The following ARHGEF26 variants were observed in gnomAD, a reference collection of about 807,000 sequenced individuals.
The protein encoded by ARHGEF26 is Rho guanine nucleotide exchange factor (GEF) 26.
A neutral mutation model predicts 89.4 loss-of-function variants in ARHGEF26; 59 were observed. That is an observed-to-expected ratio of 0.66 (90% CI 0.54 to 0.82). The LOEUF is 0.82. Ranked by LOEUF, ARHGEF26 falls within the 40% of genes least tolerant of loss-of-function variation. The pLI, the probability that ARHGEF26 is intolerant of heterozygous loss-of-function variation, is 0.00. For synonymous variants in ARHGEF26, 500 were observed against 428.4 expected, an observed-to-expected ratio of 1.17 and a Z score of -2.06; for missense variants, 1,234 against 1,085.6, an observed-to-expected ratio of 1.14 and a Z score of -1.92.
intron 11 of ARHGEF26, among the ~76,000 whole-genome samples, chr3:154,227,292 A>T (rs1263341919): frequency 9.0e-6 from 1 of 111,718 alleles, no homozygotes; most frequent in Non-Finnish European, 1.9e-5. Context: ...CTAAGTAAAA[A>T]TTTTTTTTTT....
chr3:154,199,569 G>A (rs957783998), intron 9 of ARHGEF26, among the ~76,000 whole-genome samples: 1 of 151,946 alleles, frequency 6.6e-6, no homozygotes, highest in Non-Finnish European at 1.5e-5. Context: ...CCTTTATTTT[G>A]GGTATATACC....
chr3:154,186,482 C>T (rs1021780120), intron 6 of ARHGEF26, among the ~76,000 whole-genome samples: 35 of 151,942 alleles, frequency 2.3e-4, no homozygotes, highest in African/African-American at 7.3e-4. Context: ...TAACCCTGGC[C>T]GGGTGCAGTG....
chr3:154,141,247 G>C (rs1719362483), intron 4 of ARHGEF26, among the ~76,000 whole-genome samples: 2 of 152,150 alleles, frequency 1.3e-5, no homozygotes, highest in South Asian at 4.1e-4. Flanking sequence ...TTATAGGTGA[G>C]AGCCACCGTG....
chr3:154,152,961 G>A (rs763576601), intron 6 of ARHGEF26, 29 bp downstream of exon 6: 21 of 1,488,488 alleles, frequency 1.4e-5, no homozygotes, highest in East Asian at 9.9e-5. Context: ...GCCTTTGGTC[G>A]TGCCAAGAAG....
intron 9 of ARHGEF26, among the ~76,000 whole-genome samples, chr3:154,202,614 T>G (rs181941302): frequency 6.6e-6 from 1 of 152,198 alleles, no homozygotes; most frequent in African/African-American, 2.4e-5. Flanking sequence ...TTTCAAGATA[T>G]TGATTCTTCC....
intron 9 of ARHGEF26, among the ~76,000 whole-genome samples, chr3:154,208,901 G>T (rs542994785): frequency 6.6e-6 from 1 of 151,954 alleles, no homozygotes; most frequent in Admixed American, 6.6e-5. Flanking sequence ...AGGTAGCTGG[G>T]ATTACAGGCA....
chr3:154,149,291 T>C, intron 4 of ARHGEF26, 98 bp from the exon 5 acceptor site: 1 of 776,292 alleles, frequency 1.3e-6, no homozygotes, highest in South Asian at 2.5e-5. Flanking sequence ...TTTCTCCTAA[T>C]TCATTTTTGA....
intron 3 of ARHGEF26, 40 bp from the exon 4 acceptor site, chr3:154,129,534 T>G: frequency 1.3e-6 from 2 of 1,592,460 alleles, no homozygotes; most frequent in Non-Finnish European, 1.7e-6. Flanking sequence ...ACATAATGAT[T>G]GAGAACAATT....
At chr3:154,138,622 A>C (rs1052502017) in intron 4 of ARHGEF26, among the ~76,000 whole-genome samples, 1 of 152,220 alleles carries the variant, frequency 6.6e-6, no homozygotes, top group Non-Finnish European at 1.5e-5. Context: ...AGGTGCTCCA[A>C]GAAAGCAGGA....
At chr3:154,224,910 G>A (rs2108259555) in intron 10 of ARHGEF26, among the ~76,000 whole-genome samples, 1 of 151,886 alleles carries the variant, frequency 6.6e-6, no homozygotes, top group African/African-American at 2.4e-5. Context: ...ATTTCCTTTA[G>A]CTATTTTTAA....
intron 6 of ARHGEF26, among the ~76,000 whole-genome samples, chr3:154,177,312 A>G (rs1242863931): frequency 6.6e-6 from 1 of 152,218 alleles, no homozygotes; most frequent in Non-Finnish European, 1.5e-5. Flanking sequence ...GTTCACATGC[A>G]TTGGACCTCT....
chr3:154,186,608 A>G (rs912014860), intron 6 of ARHGEF26, among the ~76,000 whole-genome samples: 1 of 151,862 alleles, frequency 6.6e-6, no homozygotes. Context: ...TAAAAAACAT[A>G]AAAATTAGCC....
At chr3:154,250,839 T>C (rs1358807882) in intron 12 of ARHGEF26, among the ~76,000 whole-genome samples, 1 of 152,166 alleles carries the variant, frequency 6.6e-6, no homozygotes, top group Non-Finnish European at 1.5e-5. Flanking sequence ...GTGTAAAAAA[T>C]AGATCTTATT....
At chr3:154,250,732 A>C (rs1157863122) in intron 12 of ARHGEF26, among the ~76,000 whole-genome samples, 1 of 152,210 alleles carries the variant, frequency 6.6e-6, no homozygotes, top group Non-Finnish European at 1.5e-5. Flanking sequence ...AGAGACACAA[A>C]TGGATCATTT....
chr3:154,168,393 A>G (rs1712189652), intron 6 of ARHGEF26, among the ~76,000 whole-genome samples: 1 of 152,172 alleles, frequency 6.6e-6, no homozygotes. Flanking sequence ...CCTGGGCAAC[A>G]TGGCGAAACC....
At chr3:154,221,583 C>CA (rs1404641618) in intron 10 of ARHGEF26, among the ~76,000 whole-genome samples, 1 of 152,042 alleles carries the variant, frequency 6.6e-6, no homozygotes, top group Non-Finnish European at 1.5e-5. Context: ...AAATATCTAT[C>CA]AAAGAGGATT....
In ARHGEF26 at chr3:154,201,193, C is replaced by T. The variant is rs556875344; in HGVS notation, c.1845+6475C>T. 7.3e-5 allele frequency among the ~76,000 whole-genome samples: 11 copies of T among 149,970 alleles called. 1 individual carries two copies. In the East Asian group the frequency reaches 1.8e-3, roughly 24 times the overall value. ...CACAGGCCCCAGTGTGTGATGTTCC[C>T]CTTCATGTGTCCATGTGTTCTCATT... On this transcript the variant is annotated intron_variant, in intron 9 of 14. Transcript: ENST00000465093.
At chr3:154,173,655 C>T (rs1712611319) in intron 6 of ARHGEF26, among the ~76,000 whole-genome samples, 2 of 152,150 alleles carry the variant, frequency 1.3e-5, no homozygotes, top group African/African-American at 4.8e-5. Flanking sequence ...AGAAACTTTT[C>T]AGGAGTAGGG....
intron 11 of ARHGEF26, among the ~76,000 whole-genome samples, chr3:154,240,063 T>A (rs963140748): frequency 6.6e-6 from 1 of 152,258 alleles, no homozygotes; most frequent in Non-Finnish European, 1.5e-5. Flanking sequence ...TGCTGGAGCA[T>A]GACCAAGATG....
Sources: gnomAD v4.1 joint callset for allele counts (sites outside exome capture counted in the v4.1 genomes callset) on GRCh38, gnomAD v4.1.1 for gene constraint, MANE v1.5 for transcripts, NCBI Gene and HGNC (gene_info 2026-07-23, HGNC 2026-07-21) for gene names.